The following FMNL2 variants were observed in gnomAD, a reference collection of about 807,000 sequenced individuals.
FMNL2 encodes formin like 2.
In FMNL2, 51 loss-of-function variants were observed where a neutral mutation model predicts 130.2. The observed-to-expected ratio is 0.39, with a 90% CI of 0.31 to 0.49. FMNL2 has a LOEUF of 0.49. Ranked by LOEUF, FMNL2 falls within the 20% of genes least tolerant of loss-of-function variation. The probability of loss-of-function intolerance (pLI) is 0.85; values close to 1 mark genes in which losing one functional copy is unlikely to be tolerated. For synonymous variants in FMNL2, 465 were observed against 467.1 expected (o/e 1.00, Z 0.06); for missense variants, 977 against 1,316.2 (o/e 0.74, Z 3.99).
chr2:152,431,388 T>C (rs6434028), intron 1 of FMNL2, among the ~76,000 whole-genome samples: 74,235 of 152,036 alleles, frequency 0.49, 20,309 homozygotes, highest in African/African-American at 0.74. Context: ...TGTGTTTTGT[T>C]TACCAACTGG....
At chr2:152,464,105 T>A (rs541071013) in intron 1 of FMNL2, among the ~76,000 whole-genome samples, 4 of 152,212 alleles carry the variant, frequency 2.6e-5, no homozygotes, top group South Asian at 4.2e-4. Context: ...GCTAATTTTT[T>A]ATTTTTTTTG....
chr2:152,367,697 C>T (rs963963512), intron 1 of FMNL2, among the ~76,000 whole-genome samples: 1 of 152,170 alleles, frequency 6.6e-6, no homozygotes, highest in African/African-American at 2.4e-5. Flanking sequence ...GCTGACTGAG[C>T]ACGTAGTCCA....
At chr2:152,593,729 C>CT (rs1056076479) in intron 9 of FMNL2, among the ~76,000 whole-genome samples, 9 of 151,116 alleles carry the variant, frequency 6.0e-5, no homozygotes, top group Admixed American at 1.3e-4. Context: ...GAAAATAAAA[C>CT]TTTTTTTTTA....
At chr2:152,361,986 A>G (rs879859388) in intron 1 of FMNL2, among the ~76,000 whole-genome samples, 1 of 152,120 alleles carries the variant, frequency 6.6e-6, no homozygotes, top group African/African-American at 2.4e-5. Flanking sequence ...TCATTGTAGA[A>G]TATTAGAAAA....
At chr2:152,636,336 G>C in intron 21 of FMNL2, 91 bp from the exon 22 acceptor site, 2 of 1,390,828 alleles carry the variant, frequency 1.4e-6, no homozygotes, top group Non-Finnish European at 1.9e-6. Context: ...GTAAGCCTAA[G>C]AATCTCCTGA....
intron 1 of FMNL2, among the ~76,000 whole-genome samples, chr2:152,498,511 C>G (rs1304140382): frequency 6.6e-6 from 1 of 152,030 alleles, no homozygotes; most frequent in African/African-American, 2.4e-5. Context: ...TTCTTGAACC[C>G]TTACCTATTT....
At chr2:152,601,801 G>C (rs6729957) in intron 9 of FMNL2, among the ~76,000 whole-genome samples, 115,544 of 151,288 alleles carry the variant, frequency 0.76, 44,273 homozygotes, top group East Asian at 0.94. Context: ...TTCCTAATAC[G>C]TGGGATTACA....
At chr2:152,505,578 A>G (rs1478739019) in intron 1 of FMNL2, among the ~76,000 whole-genome samples, 1 of 152,234 alleles carries the variant, frequency 6.6e-6, no homozygotes, top group African/African-American at 2.4e-5. Flanking sequence ...TAAAACGTGC[A>G]TGAAATCTGT....
At chr2:152,596,088 G>A (rs1022423907) in intron 9 of FMNL2, among the ~76,000 whole-genome samples, 23 of 150,998 alleles carry the variant, frequency 1.5e-4, no homozygotes, top group African/African-American at 5.6e-4. Context: ...TCTGCCTCCA[G>A]AACGGCTGGG....
chr2:152,522,595 GAGTA>G (rs1198982057), intron 2 of FMNL2, among the ~76,000 whole-genome samples: 1 of 152,162 alleles, frequency 6.6e-6, no homozygotes, highest in Non-Finnish European at 1.5e-5. Flanking sequence ...TTGTGGTAGT[GAGTA>G]AGTCTCATGA....
At chr2:152,601,109 C>T (rs1326300393) in intron 9 of FMNL2, among the ~76,000 whole-genome samples, 1 of 151,958 alleles carries the variant, frequency 6.6e-6, no homozygotes, top group Admixed American at 6.6e-5. Context: ...TATCAGACAA[C>T]TAAGTAAGTA....
rs973285475 is a variant in FMNL2, at chr2:152,532,693, C to T, written c.202-10046C>T. On this transcript the variant is annotated intron_variant, in intron 2 of 25. Coordinates refer to ENST00000288670, the MANE Select transcript of FMNL2 (RefSeq NM_052905.4). ...CATGATCTTGGCTCATTGCAACCTC[C>T]GTTTCCTGGGTTCAAGCGATTCTCC... Among the ~76,000 whole-genome samples, 7 of 151,350 alleles carry T rather than the reference C, an allele frequency of 4.6e-5. No homozygotes were observed. In the South Asian group the frequency reaches 6.3e-4, roughly 14 times the overall value.
chr2:152,528,318 A>G (rs1320860627), intron 2 of FMNL2, among the ~76,000 whole-genome samples: 1 of 152,194 alleles, frequency 6.6e-6, no homozygotes, highest in South Asian at 2.1e-4. Context: ...ATTACTGCAC[A>G]TTTGGTGGCT....
rs563000573 is a variant in FMNL2 at position 152,547,944 on chromosome 2, G to A, written c.283-1077G>A. 3.3e-5 allele frequency among the ~76,000 whole-genome samples: 5 copies of A among 152,322 alleles called. No homozygotes were observed. The East Asian group carries it at 9.6e-4, about 29-fold the overall frequency. On this transcript the variant is annotated intron_variant, in intron 3 of 25. Coordinates refer to ENST00000288670, the MANE Select transcript of FMNL2 (RefSeq NM_052905.4). ...TCACTTTATATTTCTGTAGGAAAAT[G>A]TGTTCCAAAGGACTGATGTGCAATG...
chr2:152,356,400 A>G (rs2105794944), intron 1 of FMNL2, among the ~76,000 whole-genome samples: 1 of 152,376 alleles, frequency 6.6e-6, no homozygotes, highest in Non-Finnish European at 1.5e-5. Context: ...CTGGGATTAC[A>G]GGCGTGAGCC....
intron 2 of FMNL2, among the ~76,000 whole-genome samples, chr2:152,523,737 G>A (rs1271011093): frequency 6.6e-6 from 1 of 151,976 alleles, no homozygotes; most frequent in Admixed American, 6.6e-5. Flanking sequence ...TTAATTTGGG[G>A]CATCCATTTT....
At chr2:152,336,810 A>T (rs1681492077) in intron 1 of FMNL2, among the ~76,000 whole-genome samples, 1 of 152,094 alleles carries the variant, frequency 6.6e-6, no homozygotes, top group Admixed American at 6.5e-5. Flanking sequence ...GTTACCTCTA[A>T]ACTCCACAAG....
chr2:152,405,332 C>G (rs1685927654), intron 1 of FMNL2, among the ~76,000 whole-genome samples: 1 of 152,134 alleles, frequency 6.6e-6, no homozygotes, highest in South Asian at 2.1e-4. Context: ...TCTGTGCTCT[C>G]TAGGAAGCTG....
At chr2:152,561,089 C>T in intron 6 of FMNL2, 54 bp downstream of exon 6, 2 of 1,504,734 alleles carry the variant, frequency 1.3e-6, no homozygotes, top group East Asian at 2.4e-5. Context: ...GGACAGCAGG[C>T]TCCTACTTCT....
Sources: gnomAD v4.1 joint callset for allele counts (sites outside exome capture counted in the v4.1 genomes callset) on GRCh38, gnomAD v4.1.1 for gene constraint, MANE v1.5 for transcripts, NCBI Gene and HGNC (gene_info 2026-07-23, HGNC 2026-07-21) for gene names.